Variants in PRKG1 observed in about 807,000 individuals in gnomAD.
PRKG1 encodes protein kinase cGMP-dependent 1.
A neutral mutation model predicts 88.1 loss-of-function variants in PRKG1; 35 were observed. The ratio of observed to expected loss-of-function variants is 0.40; its 90% CI spans 0.30 to 0.53. PRKG1 has a LOEUF of 0.53. PRKG1 is among the 20% of genes least tolerant of loss of function. The pLI is 0.59. For synonymous variants in PRKG1, 303 were observed against 292.5 expected (o/e 1.04, Z -0.37); for missense variants, 540 against 839.8 (o/e 0.64, Z 4.41).
At chr10:52,209,330 C>T (rs564696904) in intron 9 of PRKG1, among the ~76,000 whole-genome samples, 1 of 152,254 alleles carries the variant, frequency 6.6e-6, no homozygotes, top group South Asian at 2.1e-4. Context: ...TTTCATGTGT[C>T]AGAAAGTATT....
intron 2 of PRKG1, among the ~76,000 whole-genome samples, chr10:51,430,257 A>G (rs963095234): frequency 6.6e-6 from 1 of 152,136 alleles, no homozygotes; most frequent in Non-Finnish European, 1.5e-5. Context: ...TCTACAAAAA[A>G]TTAAAGAAAA....
intron 1 of PRKG1, among the ~76,000 whole-genome samples, chr10:51,092,866 A>G (rs943568325): frequency 6.6e-6 from 1 of 152,224 alleles, no homozygotes; most frequent in African/African-American, 2.4e-5. Flanking sequence ...AATAGTGAAC[A>G]AAAGTGAGCA....
intron 2 of PRKG1, among the ~76,000 whole-genome samples, chr10:51,255,115 C>T (rs1310450885): frequency 6.6e-6 from 1 of 151,750 alleles, no homozygotes; most frequent in Non-Finnish European, 1.5e-5. Flanking sequence ...ATATTAAGTG[C>T]CAAGTATAAG....
intron 1 of PRKG1, among the ~76,000 whole-genome samples, chr10:51,115,140 C>A (rs989151457): frequency 2.0e-5 from 3 of 150,844 alleles, no homozygotes; most frequent in Non-Finnish European, 3.0e-5. Context: ...ATGGTGAAAC[C>A]CCATCTCTAC....
chr10:51,113,561 G>A (rs573666665), intron 1 of PRKG1, among the ~76,000 whole-genome samples: 1 of 152,154 alleles, frequency 6.6e-6, no homozygotes, highest in East Asian at 1.9e-4. Context: ...ATCTATACAT[G>A]TGTAGAGAGC....
At chr10:52,065,439 C>A (rs1270131979) in intron 7 of PRKG1, among the ~76,000 whole-genome samples, 6 of 152,192 alleles carry the variant, frequency 3.9e-5, no homozygotes, top group Admixed American at 1.3e-4. Flanking sequence ...GAGCCTTTTT[C>A]TTCAAAGTAC....
intron 3 of PRKG1, among the ~76,000 whole-genome samples, chr10:51,554,028 C>T (rs12269718): frequency 0.15 from 9,218 of 61,852 alleles, 1,452 homozygotes; most frequent in East Asian, 0.75. Flanking sequence ...GTATGTGATA[C>T]GTGTATATAT....
chr10:52,169,833 T>C (rs1838611767), intron 9 of PRKG1, among the ~76,000 whole-genome samples: 1 of 152,204 alleles, frequency 6.6e-6, no homozygotes. Context: ...TCTTCAGTAC[T>C]GATAGAGATG....
intron 5 of PRKG1, among the ~76,000 whole-genome samples, chr10:52,028,089 C>T (rs1266297546): frequency 5.3e-5 from 8 of 151,972 alleles, no homozygotes; most frequent in Admixed American, 1.3e-4. Context: ...GCGCCCAGCC[C>T]GTCTATATTT....
intron 3 of PRKG1, among the ~76,000 whole-genome samples, chr10:51,709,583 A>G (rs901011779): frequency 6.6e-6 from 1 of 152,214 alleles, no homozygotes; most frequent in African/African-American, 2.4e-5. Flanking sequence ...TTAGCCTTGA[A>G]AATGGAATTG....
At chr10:51,935,469 G>A (rs938325775) in intron 5 of PRKG1, among the ~76,000 whole-genome samples, 3 of 152,102 alleles carry the variant, frequency 2.0e-5, no homozygotes, top group Non-Finnish European at 4.4e-5. Context: ...AGTAATTGCA[G>A]GGCTTGAGAT....
rs1438958587 is a variant in PRKG1, at chr10:51,766,964, A to AAGCC, written c.593-37619_593-37616dup. 3.3e-5 allele frequency among the ~76,000 whole-genome samples: 5 copies of AAGCC among 152,284 alleles called. No homozygotes were observed. In the East Asian group the frequency reaches 9.7e-4, roughly 29 times the overall value. On this transcript the variant is annotated intron_variant, in intron 3 of 17. Coordinates refer to ENST00000373980, the MANE Select transcript of PRKG1 (RefSeq NM_006258.4). The stretch of plus-strand genomic sequence containing the variant: ...ACAACAGAAGCCAACTCCACAATAG[A>AAGCC]AGCCACTTAATTTTAAGTAGTGACT...
intron 7 of PRKG1, among the ~76,000 whole-genome samples, chr10:52,115,051 A>G (rs114354518): frequency 0.018 from 2,744 of 152,248 alleles, 82 homozygotes; most frequent in African/African-American, 0.059. Context: ...GGGTGGTAGG[A>G]AAGGAAGATT....
intron 2 of PRKG1, among the ~76,000 whole-genome samples, chr10:51,364,385 C>A (rs1397226336): frequency 6.6e-6 from 1 of 151,918 alleles, no homozygotes; most frequent in Non-Finnish European, 1.5e-5. Flanking sequence ...AGAGATATGA[C>A]ATCACAAAAG....
intron 5 of PRKG1, among the ~76,000 whole-genome samples, chr10:51,992,968 C>T (rs943696219): frequency 6.6e-5 from 10 of 152,120 alleles, no homozygotes; most frequent in African/African-American, 2.2e-4. Context: ...AAAACTGAGA[C>T]CAGCGTTTGT....
At chr10:52,169,567 C>T (rs1838599237) in intron 9 of PRKG1, among the ~76,000 whole-genome samples, 1 of 152,156 alleles carries the variant, frequency 6.6e-6, no homozygotes, top group Non-Finnish European at 1.5e-5. Context: ...GCACAGTCTA[C>T]AGCAGTGTGC....
chr10:51,543,724 A>G (rs932785878), intron 3 of PRKG1, among the ~76,000 whole-genome samples: 21 of 152,200 alleles, frequency 1.4e-4, no homozygotes, highest in Non-Finnish European at 1.5e-4. Flanking sequence ...TCCTCAGGCT[A>G]TAAAGCCACT....
intron 1 of PRKG1, among the ~76,000 whole-genome samples, chr10:51,037,933 G>A (rs530324921): frequency 7.8e-4 from 118 of 152,146 alleles, no homozygotes; most frequent in African/African-American, 2.7e-3. Context: ...ATTTTAATTA[G>A]AAATGTATGA....
chr10:51,408,370 T>C (rs1339963365), intron 2 of PRKG1, among the ~76,000 whole-genome samples: 1 of 152,146 alleles, frequency 6.6e-6, no homozygotes, highest in East Asian at 1.9e-4. Context: ...TCTTTAGCCG[T>C]AAAGTGAGTG....
Sources: allele counts gnomAD v4.1 joint callset (sites outside exome capture counted in the v4.1 genomes callset), GRCh38; gene constraint gnomAD v4.1.1; transcripts MANE v1.5; gene names NCBI Gene and HGNC (gene_info 2026-07-23, HGNC 2026-07-21).